Variants in MAPKAP1 observed in about 807,000 individuals in gnomAD.
MAPKAP1 encodes the protein target of rapamycin complex 2 subunit MAPKAP1.
In MAPKAP1, 20 loss-of-function variants were observed where a neutral mutation model predicts 65.7. The ratio of observed to expected loss-of-function variants is 0.30; its 90% CI spans 0.21 to 0.44. The LOEUF is 0.44. Ranked by LOEUF, MAPKAP1 falls within the 20% of genes least tolerant of loss-of-function variation. The pLI is 1.00. For synonymous variants in MAPKAP1, 222 were observed against 244.3 expected, an observed-to-expected ratio of 0.91 and a Z score of 0.85; for missense variants, 423 against 648.0, an observed-to-expected ratio of 0.65 and a Z score of 3.77.
intron 1 of MAPKAP1, among the ~76,000 whole-genome samples, chr9:125,672,911 G>A (rs1480793888): frequency 1.3e-5 from 2 of 152,172 alleles, no homozygotes; most frequent in Non-Finnish European, 2.9e-5. Flanking sequence ...TACAAGTCAG[G>A]CCACTCGAAG....
At chr9:125,648,758 T>C (rs935986712) in intron 4 of MAPKAP1, among the ~76,000 whole-genome samples, 1 of 151,850 alleles carries the variant, frequency 6.6e-6, no homozygotes, top group African/African-American at 2.4e-5. Context: ...CTGACCAACA[T>C]GGTGAAACCC....
intron 10 of MAPKAP1, among the ~76,000 whole-genome samples, chr9:125,461,075 ACTGTTCC>A (rs1310091641): frequency 6.6e-6 from 1 of 152,200 alleles, no homozygotes; most frequent in African/African-American, 2.4e-5. Context: ...ACTCTGCCAA[ACTGTTCC>A]CTGAAAGCAC....
At chr9:125,474,629 A>G (rs1163041913) in intron 9 of MAPKAP1, among the ~76,000 whole-genome samples, 1 of 152,068 alleles carries the variant, frequency 6.6e-6, no homozygotes, top group Non-Finnish European at 1.5e-5. Context: ...CCCAGAGGAG[A>G]CTGCTTGACT....
intron 4 of MAPKAP1, among the ~76,000 whole-genome samples, chr9:125,655,618 AAT>A (rs1243938461): frequency 6.6e-6 from 1 of 152,248 alleles, no homozygotes; most frequent in African/African-American, 2.4e-5. Context: ...TGTACAGTAC[AAT>A]ATCCTTCAAA....
rs955139138 is a variant in MAPKAP1 at position 125,447,732 on chromosome 9, C to T, written c.1346-3134G>A. Among the ~76,000 whole-genome samples the T allele has an allele frequency of 1.3e-5, 2 of 151,996 alleles. No homozygotes were observed. Among genetic ancestry groups the T allele is most frequent in the Non-Finnish European group, 2.9e-5 (2 of 68,014 alleles). On this transcript the variant is annotated intron_variant, in intron 10 of 11. Transcript: ENST00000265960. The surrounding 1 kb of genome is among the most constrained non-coding windows in gnomAD (Gnocchi z 4.5). ...GAAGAAGGTAAACGCAGGGAGCTGC[C>T]GTGGAGACACCAAGGCAGAAGCACC...
intron 6 of MAPKAP1, 39 bp downstream of exon 6, chr9:125,559,594 G>C (rs1830832939): frequency 1.3e-6 from 2 of 1,560,776 alleles, no homozygotes; most frequent in Non-Finnish European, 1.7e-6. Context: ...TAGAAGGTTG[G>C]GATGAGATAC....
chr9:125,625,439 A>G (rs187316622), intron 4 of MAPKAP1, among the ~76,000 whole-genome samples: 1 of 152,022 alleles, frequency 6.6e-6, no homozygotes, highest in Admixed American at 6.5e-5. Context: ...AACAAAACAA[A>G]CCAACCCTGC....
Position 125,585,778 on chromosome 9 carries a change from A to G in MAPKAP1, c.499-51T>C, listed in dbSNP as rs1012772164. The G allele has an allele frequency of 1.9e-6, 3 of 1,560,350 alleles. No individual in the cohort carries two copies. In the African/African-American group the frequency reaches 4.1e-5, roughly 21 times the overall value. On this transcript the variant is annotated intron_variant, in intron 4 of 11. Coordinates refer to ENST00000265960, the MANE Select transcript of MAPKAP1 (RefSeq NM_001006617.3). ...GCAAAGCACACTGCCAGTTATACAG[A>G]CCCCACTGCTCTCCAGGCCTGTGGG... is the stretch of plus-strand genomic sequence containing the variant.
chr9:125,654,574 C>A (rs1833980102), intron 4 of MAPKAP1, among the ~76,000 whole-genome samples: 1 of 152,206 alleles, frequency 6.6e-6, no homozygotes. Context: ...CTAAGTACAG[C>A]CTTTCCCTCT....
chr9:125,502,004 T>C (rs1024074823), intron 8 of MAPKAP1, among the ~76,000 whole-genome samples: 2 of 152,160 alleles, frequency 1.3e-5, no homozygotes, highest in African/African-American at 4.8e-5. Context: ...TAATTTCTAT[T>C]CTTCTCTTTA....
intron 1 of MAPKAP1, among the ~76,000 whole-genome samples, chr9:125,700,691 T>C (rs1835568781): frequency 6.6e-6 from 1 of 152,248 alleles, no homozygotes; most frequent in Non-Finnish European, 1.5e-5. Context: ...TTAATAAATT[T>C]TGAATGACTG....
rs1024585114 is a variant in MAPKAP1, at chr9:125,439,128, G to A, written c.1444-116C>T. 8.4e-6 allele frequency: 10 copies of A among 1,190,050 alleles called. No individual in the cohort carries two copies. The African/African-American group carries it at 1.4e-4, about 16-fold the overall frequency. 73.7% of individuals were successfully genotyped at this position (1,190,050 alleles called of 1,614,324 possible). A position where few individuals can be genotyped will look rare whatever the true frequency, so the allele number is the denominator to read the frequency against. ...TGGGCCGGGTGCCTCAGGGCCAGGTGCTGTCGTGTGGAAGGAGTCCAGTCA... is the reference window on the plus strand; with the variant it reads ...TGGGCCGGGTGCCTCAGGGCCAGGTACTGTCGTGTGGAAGGAGTCCAGTCA... On this transcript the variant is annotated intron_variant, in intron 11 of 11. Transcript: ENST00000265960. This position sits in a 1 kb window ranked among gnomAD's most constrained non-coding sequence, Gnocchi z 4.0.
chr9:125,480,242 G>T (rs1854260312), intron 9 of MAPKAP1, among the ~76,000 whole-genome samples: 1 of 152,182 alleles, frequency 6.6e-6, no homozygotes, highest in Non-Finnish European at 1.5e-5. Flanking sequence ...TAATACTCAT[G>T]GGCAGTCTGT....
chr9:125,646,307 T>C (rs1346958976), intron 4 of MAPKAP1, among the ~76,000 whole-genome samples: 2 of 151,998 alleles, frequency 1.3e-5, no homozygotes, highest in Admixed American at 6.6e-5. Context: ...ACACCCTGTC[T>C]CTTCAAAACA....
At chr9:125,621,271 C>CA (rs144546648) in intron 4 of MAPKAP1, among the ~76,000 whole-genome samples, 2,104 of 144,374 alleles carry the variant, frequency 0.015, 30 homozygotes, top group African/African-American at 0.041. Flanking sequence ...GACACTTTCT[C>CA]AAAAAAAAAA....
Position 125,576,462 on chromosome 9 carries a change from T to TA in MAPKAP1, c.671+9092dup, listed in dbSNP as rs34696967. 6.6e-5 allele frequency among the ~76,000 whole-genome samples: 10 copies of TA among 152,236 alleles called. No homozygotes were observed. The South Asian group carries it at 1.0e-3, about 16-fold the overall frequency. On this transcript the variant is annotated intron_variant, in intron 5 of 11. Coordinates refer to ENST00000265960, the MANE Select transcript of MAPKAP1 (RefSeq NM_001006617.3). ...AAAAAATAGTCGATTAAAATTTTTTTAAAAAAACGAAGCATAGCTCTCCCT... is the reference window on the plus strand; with the variant it reads ...AAAAAATAGTCGATTAAAATTTTTTTAAAAAAAACGAAGCATAGCTCTCCCT...
chr9:125,576,005 TAAC>T (rs1457192773), intron 5 of MAPKAP1, among the ~76,000 whole-genome samples: 3 of 152,142 alleles, frequency 2.0e-5, no homozygotes, highest in African/African-American at 7.2e-5. Flanking sequence ...GTCCATTACT[TAAC>T]AACAGTGAGA....
At chr9:125,692,404 C>G (rs1301595656) in intron 1 of MAPKAP1, among the ~76,000 whole-genome samples, 1 of 152,156 alleles carries the variant, frequency 6.6e-6, no homozygotes, top group Non-Finnish European at 1.5e-5. Context: ...TATCAAAGGC[C>G]ACAAACTGTC....
intron 5 of MAPKAP1, among the ~76,000 whole-genome samples, chr9:125,580,759 G>C (rs1831598989): frequency 6.6e-6 from 1 of 151,498 alleles, no homozygotes; most frequent in Non-Finnish European, 1.5e-5. Context: ...GTGTTGTGTA[G>C]TTCTACACAT....
Sources: allele counts gnomAD v4.1 joint callset (sites outside exome capture counted in the v4.1 genomes callset), GRCh38; gene constraint gnomAD v4.1.1; non-coding constraint Gnocchi (gnomAD v3.1); transcripts MANE v1.5; gene names NCBI Gene and HGNC (gene_info 2026-07-23, HGNC 2026-07-21).